Variants in ARAP3 observed in about 807,000 individuals in gnomAD.
ARAP3 encodes the protein arf-GAP with Rho-GAP domain, ANK repeat and PH domain-containing protein 3.
In ARAP3, 82 loss-of-function variants were observed where a neutral mutation model predicts 169.2. That is an observed-to-expected ratio of 0.48 (90% CI 0.41 to 0.58). The LOEUF is 0.58. Among genes scored for constraint, ARAP3 ranks in the 20% least tolerant of loss-of-function variants. The probability of loss-of-function intolerance (pLI) is 0.00; values close to 1 mark genes in which losing one functional copy is unlikely to be tolerated. For synonymous variants in ARAP3, 791 were observed against 800.3 expected, an observed-to-expected ratio of 0.99 and a Z score of 0.20; for missense variants, 1,764 against 2,018.0, an observed-to-expected ratio of 0.87 and a Z score of 2.41.
At chr5:141,670,088 GA>G (rs1271509874) in intron 14 of ARAP3, 25 bp from the exon 15 acceptor site, 5 of 1,581,360 alleles carry the variant, frequency 3.2e-6, no homozygotes, top group Non-Finnish European at 8.5e-7. Context: ...GATAGTCAGG[GA>G]GCAGCAGACC....
At chr5:141,676,875 G>A (rs1012219566) in intron 4 of ARAP3, among the ~76,000 whole-genome samples, 7 of 152,018 alleles carry the variant, frequency 4.6e-5, no homozygotes, top group Admixed American at 6.6e-5. Flanking sequence ...CTCTAAGCTC[G>A]TCTACCCAGT....
At chr5:141,665,159 C>T (rs1283068826) in intron 18 of ARAP3, 74 bp from the exon 19 acceptor site, 21 of 1,566,368 alleles carry the variant, frequency 1.3e-5, no homozygotes, top group Non-Finnish European at 1.7e-5. Flanking sequence ...TTCCCAGAGC[C>T]ACCAGCAGAG....
At chr5:141,655,248 A>ACC (rs2099909102) in intron 32 of ARAP3, 114 bp downstream of exon 32, 1 of 1,124,142 alleles carries the variant, frequency 8.9e-7, no homozygotes, top group East Asian at 2.6e-5. Flanking sequence ...ACACACACAC[A>ACC]CACACACACA....
chr5:141,673,302 CG>C (rs927187937), intron 6 of ARAP3, 98 bp downstream of exon 6: 446 of 1,556,420 alleles, frequency 2.9e-4, no homozygotes, highest in Admixed American at 1.4e-3. Flanking sequence ...GTCACTGCCC[CG>C]CCCACACACA....
At chr5:141,681,128 C>G (rs1596502399) in intron 1 of ARAP3, among the ~76,000 whole-genome samples, 1 of 152,174 alleles carries the variant, frequency 6.6e-6, no homozygotes, top group Admixed American at 6.5e-5. Context: ...CCACATCCTG[C>G]CTGCTTTGGT....
intron 1 of ARAP3, chr5:141,680,904 G>A (rs2154599357): frequency 1.1e-5 from 2 of 187,020 alleles, no homozygotes; most frequent in Middle Eastern, 2.2e-3. Context: ...ATGCAGAGGA[G>A]GGGCCAATGA....
chr5:141,658,675 T>A, intron 23 of ARAP3, 22 bp from the exon 24 acceptor site: 1 of 1,566,486 alleles, frequency 6.4e-7, no homozygotes. Flanking sequence ...GGTAAAAAAG[T>A]CAGAAGGGCA....
chr5:141,657,931 ATG>A (rs1250565360), intron 25 of ARAP3, among the ~76,000 whole-genome samples: 1 of 152,150 alleles, frequency 6.6e-6, no homozygotes, highest in East Asian at 1.9e-4. Flanking sequence ...GCATTTGGAT[ATG>A]TGAGTCTGGA....
rs142211119 is a variant in ARAP3, at chr5:141,655,671, T to C, written c.4060A>G (p.Ile1354Val). The change falls in exon 31 of 33, where the codon ATC becomes GTC. Residue 1354 changes from isoleucine (I) to valine (V), a missense_variant. By Grantham distance (29) the Ile-to-Val change is conservative. Transcript: ENST00000239440. ...GTGGCTCCACTGTCATCCCCACGGA[T>C]AGGCAGCAAAGGCATAGTGCCAAAC... ...QKFGTMPLLP[I>V]RGDDSGATLL... The C allele has an allele frequency of 1.5e-5, 25 of 1,613,962 alleles. No individual in the cohort carries two copies. The African/African-American group carries it at 1.7e-4, about 11-fold the overall frequency.
chr5:141,679,772 G>C lies in ARAP3; in HGVS notation c.575C>G (p.Thr192Arg). Residue 192 changes from threonine (T) to arginine (R), a missense_variant, in exon 3 of 33, where the codon ACA becomes AGA. By Grantham distance (71) the Thr-to-Arg change is moderately conservative (BLOSUM62 -1). Coordinates refer to ENST00000239440, the MANE Select transcript of ARAP3 (RefSeq NM_022481.6). ...ISAPTPALRP[T>R]TGTVHIMDPG... Reference sequence around the variant, plus strand: ...GATAACCCAGTTACCTGTGCCTGTTGTGGGCCTGAGGGCAGGGGTGGGGGC... The same window carrying C: ...GATAACCCAGTTACCTGTGCCTGTTCTGGGCCTGAGGGCAGGGGTGGGGGC... 6.2e-7 allele frequency: 1 copy of C among 1,614,108 alleles called. No homozygotes were observed. Among genetic ancestry groups the C allele is most frequent in the Non-Finnish European group, 8.5e-7 (1 of 1,180,010 alleles).
chr5:141,658,805 C>G (rs1284833109), intron 23 of ARAP3, 152 bp from the exon 24 acceptor site: 2 of 665,916 alleles, frequency 3.0e-6, no homozygotes, highest in South Asian at 2.1e-5. Context: ...AGGGAGACCT[C>G]TGGGAGTGGC....
In ARAP3 at chr5:141,659,769, A is replaced by G; in HGVS notation, c.3267+10T>C. 6 of 1,607,756 alleles carry G rather than the reference A, an allele frequency of 3.7e-6. No homozygotes were observed. Among genetic ancestry groups the G allele is most frequent in the Non-Finnish European group, 5.1e-6 (6 of 1,175,360 alleles). On this transcript the variant is annotated intron_variant, in intron 22 of 32. Coordinates refer to ENST00000239440, the MANE Select transcript of ARAP3 (RefSeq NM_022481.6). ...AAGGGGTTGTGGGTTAGGGGTCAGG[A>G]AAGCCTTACATCAAAGACAGAGATG...
chr5:141,654,094 T>C lies in ARAP3; in HGVS notation c.4491A>G (p.Gly1497=). The C allele has an allele frequency of 6.2e-7, 1 of 1,611,472 alleles. No individual in the cohort carries two copies. ...QELSSLILRK[G]ETTAGLGSPS... is the part of the protein sequence containing the mutation. ...GACTTCCCAGGCCTGCAGTGGTCTC[T>C]CCTTTCCTCAGGATGAGGCTGCTGA... Residue 1497 remains glycine, a synonymous_variant, in exon 33 of 33, where the codon GGA becomes GGG. Transcript: ENST00000239440.
rs758532450 is a variant in ARAP3 at position 141,656,218 on chromosome 5, C to T, written c.3848G>A (p.Arg1283His). Residue 1283 changes from arginine (R) to histidine (H), a missense_variant, in exon 28 of 33, where the codon CGC becomes CAC. By Grantham distance (29) the Arg-to-His change is conservative. This residue lies in a region of ARAP3 where 1,112 missense variants were observed against 1,285.7 expected (regional missense o/e 0.86). Transcript: ENST00000239440. ...CGGTGTTGGGGGCTTTAACTTCTTGCGGATTCCCAGGTAGACCTTGGCACC... is the reference window on the plus strand; with the variant it reads ...CGGTGTTGGGGGCTTTAACTTCTTGTGGATTCCCAGGTAGACCTTGGCACC... Reference protein sequence around the residue: ...LEGAKVYLGIRKKLKPPTPWG... With the variant: ...LEGAKVYLGIHKKLKPPTPWG... The T allele has an allele frequency of 2.1e-5, 34 of 1,614,022 alleles. No individual in the cohort carries two copies. The highest frequency in any genetic ancestry group is 2.2e-5 in the Non-Finnish European group (26 of 1,180,010).
chr5:141,664,033 C>G (rs911954020), intron 19 of ARAP3, among the ~76,000 whole-genome samples: 3 of 152,216 alleles, frequency 2.0e-5, no homozygotes, highest in African/African-American at 4.8e-5. Flanking sequence ...AAGAGTCCAG[C>G]CTTCTAAAGA....
At position 141,680,204 on chromosome 5, in the gene ARAP3, C is replaced by T. The variant is rs372101887; in HGVS notation, c.283G>A (p.Val95Met). 1.6e-5 allele frequency: 26 copies of T among 1,610,958 alleles called. No homozygotes were observed. Among genetic ancestry groups the T allele is most frequent in the East Asian group, 8.9e-5 (4 of 44,780 alleles). The part of the protein sequence containing the change: ...PAPQAQPPKP[V>M]PKPRTVFGGL... ...CCAAACACGGTCCTGGGCTTCGGCACGGGCTTAGGGGGCTGGGCTTGCGGG... is the reference window on the plus strand; with the variant it reads ...CCAAACACGGTCCTGGGCTTCGGCATGGGCTTAGGGGGCTGGGCTTGCGGG... Residue 95 changes from valine to methionine, a missense_variant, in exon 2 of 33, where the codon GTG becomes ATG. This residue lies in a region of ARAP3 where 630 missense variants were observed against 678.7 expected (regional missense o/e 0.93). Coordinates refer to ENST00000239440, the MANE Select transcript of ARAP3 (RefSeq NM_022481.6).
At position 141,669,770 on chromosome 5, in the gene ARAP3, A is replaced by G; in HGVS notation, c.2291T>C (p.Ile764Thr). ...SFELILAGGR[I>T]QHFGTDGADS... ...AGCTCCATCTGTGCCAAAATGCTGG[A>G]TCCTCCCCCCAGCGAGGATGAGCTC... The change falls in exon 16 of 33, where the codon ATC becomes ACC. Residue 764 changes from isoleucine (I) to threonine (T), a missense_variant. By Grantham distance (89) the Ile-to-Thr change is moderately conservative. Transcript: ENST00000239440. The G allele has an allele frequency of 6.2e-7, 1 of 1,614,116 alleles. No homozygotes were observed. Among genetic ancestry groups the G allele is most frequent in the South Asian group, 1.1e-5 (1 of 91,074 alleles).
At chr5:141,666,838 A>T in intron 16 of ARAP3, 195 bp from the exon 17 acceptor site, 1 of 415,802 alleles carries the variant, frequency 2.4e-6, no homozygotes, top group Non-Finnish European at 4.2e-6. Flanking sequence ...GGTTGGAGAA[A>T]GACAGGAAAG....
chr5:141,678,399 T>C (rs915597615), intron 4 of ARAP3, among the ~76,000 whole-genome samples: 1 of 152,198 alleles, frequency 6.6e-6, no homozygotes, highest in Non-Finnish European at 1.5e-5. Context: ...TTCCAATCAC[T>C]TGCCCTACCG....
Sources: gnomAD v4.1 joint callset for allele counts (sites outside exome capture counted in the v4.1 genomes callset) on GRCh38, gnomAD v4.1.1 for gene constraint, gnomAD v4.1.1 regional missense constraint, MANE v1.5 for transcripts, NCBI Gene and HGNC (gene_info 2026-07-23, HGNC 2026-07-21) for gene names.